The following ARMC5 variants were observed in gnomAD, a reference collection of about 807,000 sequenced individuals.
The protein encoded by ARMC5 is armadillo repeat containing 5.
A neutral mutation model predicts 60.5 loss-of-function variants in ARMC5; 28 were observed. The ratio of observed to expected loss-of-function variants is 0.46; its 90% CI spans 0.34 to 0.63. The LOEUF is 0.63. Among genes scored for constraint, ARMC5 ranks in the 30% least tolerant of loss-of-function variants. The pLI, the probability that ARMC5 is intolerant of heterozygous loss-of-function variation, is 0.01. For synonymous variants in ARMC5, 680 were observed against 607.3 expected (o/e 1.12, Z -1.76); for missense variants, 1,189 against 1,304.9 (o/e 0.91, Z 1.37).
chr16:31,465,401 C>G, intron 4 of ARMC5: 5 of 1,198,776 alleles, frequency 4.2e-6, no homozygotes, highest in Non-Finnish European at 5.5e-6. Flanking sequence ...CTCACTATGT[C>G]CCCTCAGCTC....
Position 31,462,280 on chromosome 16 carries a change from C to T in ARMC5, c.733C>T (p.Leu245Phe). The change falls in exon 3 of 6, where the codon CTC becomes TTC. Residue 245 changes from leucine (L) to phenylalanine (F), a missense_variant. Coordinates refer to ENST00000268314, the MANE Select transcript of ARMC5 (RefSeq NM_001105247.2). This position sits in a 1 kb window ranked among gnomAD's most constrained non-coding sequence, Gnocchi z 7.2. ...GGGAGCAGTGCGTCCGCTGGCCGAG[C>T]TCCTGGCCACTGCCCCAGATGCTGC... The part of the protein sequence containing the change: ...QQGAVRPLAE[L>F]LATAPDAALT... The T allele has an allele frequency of 6.2e-7, 1 of 1,609,694 alleles. No homozygotes were observed.
chr16:31,459,818 G>T lies in ARMC5; in HGVS notation c.294G>T (p.Ser98=), dbSNP rs372292806. ...GPGSAPSSAA[S]GASSPAPASG... Reference sequence around the variant, plus strand: ...GCTCCGCCCCCTCGTCGGCCGCGTCGGGAGCTTCTAGCCCCGCCCCCGCGT... The same window carrying T: ...GCTCCGCCCCCTCGTCGGCCGCGTCTGGAGCTTCTAGCCCCGCCCCCGCGT... The change falls in exon 1 of 6, where the codon TCG becomes TCT. Residue 98 remains serine, a synonymous_variant. Transcript: ENST00000268314. 2,071 of 1,548,976 alleles carry T rather than the reference G, an allele frequency of 1.3e-3. No individual in the cohort carries two copies. The highest frequency in any genetic ancestry group is 1.7e-3 in the Non-Finnish European group (2,001 of 1,154,154).
upstream of ARMC5, chr16:31,458,522 G>A (rs1425583122): frequency 2.6e-6 from 4 of 1,532,918 alleles, no homozygotes; most frequent in African/African-American, 2.7e-5. Context: ...TCACCAGAGG[G>A]GCTGCCTTGG....
At position 31,464,824 on chromosome 16, in the gene ARMC5, G is replaced by A. The variant is rs769109228; in HGVS notation, c.1801G>A (p.Ala601Thr). 11 of 1,596,724 alleles carry A rather than the reference G, an allele frequency of 6.9e-6. No individual in the cohort carries two copies. The East Asian group carries it at 2.0e-4, about 29-fold the overall frequency. ...GCGGGCCTGGCTGGTGCTGGGGGTG[G>A]CGCCTGACGATTGGCCGGCACCACG... is the stretch of plus-strand genomic sequence containing the variant. ...LLRAWLVLGVAPDDWPAPRAR... is the reference protein window; with the variant it reads ...LLRAWLVLGVTPDDWPAPRAR... Residue 601 changes from alanine to threonine, a missense_variant, in exon 4 of 6, where the codon GCG (alanine) becomes ACG (threonine). Ala to Thr is a moderately conservative substitution (Grantham distance 58, BLOSUM62 0). Transcript: ENST00000268314. The surrounding 1 kb of genome is among the most constrained non-coding windows in gnomAD (Gnocchi z 7.6).
rs1325485916 is a variant in ARMC5, at chr16:31,464,033, G to A, written c.1371-361G>A. Among the ~76,000 whole-genome samples the A allele has an allele frequency of 1.3e-5, 2 of 152,130 alleles. No individual in the cohort carries two copies. The highest frequency in any genetic ancestry group is 2.4e-5 in the African/African-American group (1 of 41,434). ...TTAGCTCATGCAGTGGCTCACGCCT[G>A]TAATCCTAGCACCTTGGGAGGCCAA... is the stretch of plus-strand genomic sequence containing the variant. On this transcript the variant is annotated intron_variant, in intron 3 of 5. Coordinates refer to ENST00000268314, the MANE Select transcript of ARMC5 (RefSeq NM_001105247.2). The surrounding 1 kb of genome is among the most constrained non-coding windows in gnomAD (Gnocchi z 7.6).
At position 31,464,484 on chromosome 16, in the gene ARMC5, G is replaced by T. The variant is rs2082331905; in HGVS notation, c.1461G>T (p.Glu487Asp). ...SPEQCPPEPM[E>D]PASPAPTPTS... ...AGCAGTGTCCGCCGGAGCCCATGGA[G>T]CCGGCCAGCCCCGCCCCGACCCCGA... Residue 487 changes from glutamate to aspartate, a missense_variant, in exon 4 of 6, where the codon GAG becomes GAT. Glu to Asp is a conservative substitution (Grantham distance 45, BLOSUM62 2). Transcript: ENST00000268314. The surrounding 1 kb of genome is among the most constrained non-coding windows in gnomAD (Gnocchi z 7.6). The T allele has an allele frequency of 6.2e-7, 1 of 1,606,324 alleles. No homozygotes were observed. The highest frequency in any genetic ancestry group is 2.2e-5 in the East Asian group (1 of 44,666).
rs938614401 is a variant in ARMC5, at chr16:31,466,806, G to T, written c.2725G>T (p.Ala909Ser). 6.3e-7 allele frequency: 1 copy of T among 1,594,906 alleles called. No homozygotes were observed. ...GLALVGLVEA[A>S]GEEAGPLTEA... is the part of the protein sequence containing the mutation. ...GGCCCTGGTGGGGCTTGTGGAGGCAGCAGGTGAAGAGGCAGGGCCCCTGAC... is the reference window on the plus strand; with the variant it reads ...GGCCCTGGTGGGGCTTGTGGAGGCATCAGGTGAAGAGGCAGGGCCCCTGAC... The change falls in exon 6 of 6, where the codon GCA becomes TCA. Residue 909 changes from alanine (A) to serine (S), a missense_variant. Transcript: ENST00000268314. This position sits in a 1 kb window ranked among gnomAD's most constrained non-coding sequence, Gnocchi z 8.0.
chr16:31,465,509 A>G (rs770700825), intron 4 of ARMC5: 13 of 810,898 alleles, frequency 1.6e-5, no homozygotes, highest in Non-Finnish European at 2.3e-5. Flanking sequence ...CTAATGATTA[A>G]TGATATTCAT....
chr16:31,460,954 T>A (rs1482620200), intron 1 of ARMC5, among the ~76,000 whole-genome samples: 1 of 152,222 alleles, frequency 6.6e-6, no homozygotes, highest in Non-Finnish European at 1.5e-5. Context: ...ATCTTAACTT[T>A]TCGGATAAAG....
intron 1 of ARMC5, among the ~76,000 whole-genome samples, chr16:31,461,104 T>C (rs1266119914): frequency 1.3e-5 from 2 of 152,230 alleles, no homozygotes; most frequent in African/African-American, 4.8e-5. Flanking sequence ...TCTGCTTCTC[T>C]CTCTTCCTAC....
Position 31,459,882 on chromosome 16 carries a change from A to T in ARMC5, c.358A>T (p.Thr120Ser), listed in dbSNP as rs1200109433. The T allele has an allele frequency of 1.9e-6, 3 of 1,604,966 alleles. No individual in the cohort carries two copies. The highest frequency in any genetic ancestry group is 2.2e-5 in the East Asian group (1 of 44,840). The stretch of plus-strand genomic sequence containing the variant: ...CTCCGCTGTGTCGTCGTCTAGTCCT[A>T]CGCCGCCAGTGCGCCTGCGCAAGAC... ...APSAVSSSSP[T>S]PPVRLRKTLD... The change falls in exon 1 of 6, where the codon ACG becomes TCG. Residue 120 changes from threonine to serine, a missense_variant. Physicochemically the swap from Thr to Ser is moderately conservative, Grantham distance 58 (BLOSUM62 1). Transcript: ENST00000268314.
At position 31,464,982 on chromosome 16, in the gene ARMC5, C is replaced by G. The variant is rs770492070; in HGVS notation, c.1864+95C>G. 1 of 1,610,718 alleles carries G rather than the reference C, an allele frequency of 6.2e-7. No individual in the cohort carries two copies. The highest frequency in any genetic ancestry group is 1.7e-5 in the Admixed American group (1 of 59,884). ...GCCCAGAACCTCACCTTCCCACTCA[C>G]CTGTCCTCCCCAGCCCGTCCTCCAG... On this transcript the variant is annotated intron_variant, in intron 4 of 5. Coordinates refer to ENST00000268314, the MANE Select transcript of ARMC5 (RefSeq NM_001105247.2). This position sits in a 1 kb window ranked among gnomAD's most constrained non-coding sequence, Gnocchi z 7.6.
intron 1 of ARMC5, 35 bp from the exon 2 acceptor site, chr16:31,461,887 G>C: frequency 6.3e-7 from 1 of 1,577,386 alleles, no homozygotes. Context: ...GACAGTAAGG[G>C]GTAGAACCCT....
chr16:31,460,025 G>A (rs985470325), intron 1 of ARMC5, 26 bp downstream of exon 1: 1 of 1,592,088 alleles, frequency 6.3e-7, no homozygotes, highest in African/African-American at 1.3e-5. Flanking sequence ...CCGTTTCCTA[G>A]AAAGATTAGG....
intron 1 of ARMC5, among the ~76,000 whole-genome samples, chr16:31,461,406 G>T (rs757542133): frequency 1.3e-5 from 2 of 152,160 alleles, no homozygotes; most frequent in Non-Finnish European, 2.9e-5. Context: ...CCTTTGGAAA[G>T]GCTGCTTCCA....
chr16:31,466,041 C>T lies in ARMC5; in HGVS notation c.1998-38C>T, dbSNP rs200071319. 2.5e-4 allele frequency: 396 copies of T among 1,591,934 alleles called. 1 individual carries two copies. In the African/African-American group the frequency reaches 4.8e-3, roughly 19 times the overall value. ...GGAGGAGTGCTGTGTTTCCCAGGCC[C>T]GTTGCCCACCTTTTGAAAGGCCCTC... is the stretch of plus-strand genomic sequence containing the variant. On this transcript the variant is annotated intron_variant, in intron 5 of 5. Transcript: ENST00000268314. The surrounding 1 kb of genome is among the most constrained non-coding windows in gnomAD (Gnocchi z 8.0).
At position 31,460,058 on chromosome 16, in the gene ARMC5, G is replaced by A. The variant is rs748786533; in HGVS notation, c.475+59G>A. The A allele has an allele frequency of 3.2e-6, 5 of 1,549,720 alleles. No individual in the cohort carries two copies. The South Asian group carries it at 3.4e-5, about 11-fold the overall frequency. On this transcript the variant is annotated intron_variant, in intron 1 of 5. Transcript: ENST00000268314. ...AGGTTTGCAACTCCCTTGCTCTCTA[G>A]ACCCGGGCAGTCTGGAGTTCTTTGT... is the stretch of plus-strand genomic sequence containing the variant.
intron 1 of ARMC5, 77 bp from the exon 2 acceptor site, chr16:31,461,845 C>A: frequency 7.3e-7 from 1 of 1,379,294 alleles, no homozygotes; most frequent in Non-Finnish European, 1.0e-6. Flanking sequence ...CAGGCCCTCT[C>A]AGGCCACATT....
upstream of ARMC5, chr16:31,459,246 T>C (rs1054978748): frequency 5.0e-5 from 76 of 1,532,610 alleles, no homozygotes; most frequent in Non-Finnish European, 6.1e-5. Context: ...CCTGGAAGAG[T>C]TTCCAGCGCT....
Sources: gnomAD v4.1 joint callset for allele counts (sites outside exome capture counted in the v4.1 genomes callset) on GRCh38, gnomAD v4.1.1 for gene constraint, Gnocchi (gnomAD v3.1) non-coding constraint, MANE v1.5 for transcripts, NCBI Gene and HGNC (gene_info 2026-07-23, HGNC 2026-07-21) for gene names.